Variants in TLL1 observed in about 807,000 individuals in gnomAD.
TLL1 encodes the protein tolloid-like protein 1.
A neutral mutation model predicts 128.2 loss-of-function variants in TLL1; 49 were observed. That is an observed-to-expected ratio of 0.38 (90% CI 0.30 to 0.48). The LOEUF (loss-of-function observed/expected upper bound fraction) is 0.48, where lower values mean the gene tolerates loss of function less well. TLL1 is among the 20% of genes least tolerant of loss of function. TLL1 has a pLI of 0.96. For synonymous variants in TLL1, 454 were observed against 418.8 expected (o/e 1.08, Z -1.03); for missense variants, 1,123 against 1,242.0 (o/e 0.90, Z 1.44).
intron 19 of TLL1, among the ~76,000 whole-genome samples, chr4:166,096,727 T>C (rs763297072): frequency 4.4e-4 from 67 of 152,196 alleles, no homozygotes; most frequent in Admixed American, 7.2e-4. Context: ...GCAAAATATA[T>C]CAGTCAATTC....
chr4:166,027,060 A>G (rs1230098329), intron 9 of TLL1, among the ~76,000 whole-genome samples: 1 of 152,218 alleles, frequency 6.6e-6, no homozygotes, highest in Admixed American at 6.5e-5. Flanking sequence ...ATGCAGCCGT[A>G]AAAAAGAATG....
intron 1 of TLL1, among the ~76,000 whole-genome samples, chr4:165,936,366 T>C (rs1426113274): frequency 6.6e-6 from 1 of 151,272 alleles, no homozygotes; most frequent in Admixed American, 6.6e-5. Flanking sequence ...ATTACAGGCA[T>C]GCGCCACCAT....
chr4:166,051,954 CTT>C (rs978575142), intron 12 of TLL1, among the ~76,000 whole-genome samples: 3 of 152,126 alleles, frequency 2.0e-5, no homozygotes, highest in South Asian at 2.1e-4. Context: ...AATATTTACT[CTT>C]TGTGTATCAT....
At chr4:166,069,946 G>A (rs540914990) in intron 16 of TLL1, among the ~76,000 whole-genome samples, 1 of 151,666 alleles carries the variant, frequency 6.6e-6, no homozygotes, top group Non-Finnish European at 1.5e-5. Context: ...TAATATTAAA[G>A]CAAATAAAGA....
At chr4:166,023,770 G>C (rs1203872979) in intron 8 of TLL1, among the ~76,000 whole-genome samples, 1 of 152,018 alleles carries the variant, frequency 6.6e-6, no homozygotes, top group Admixed American at 6.6e-5. Flanking sequence ...AATCAGAACA[G>C]TGTTGTATGC....
At chr4:165,965,213 C>T (rs762309242) in intron 1 of TLL1, among the ~76,000 whole-genome samples, 12 of 151,970 alleles carry the variant, frequency 7.9e-5, no homozygotes, top group South Asian at 4.1e-4. Context: ...TCTGAAAAGA[C>T]ATAATATGTT....
chr4:165,936,606 A>T (rs113117578), intron 1 of TLL1, among the ~76,000 whole-genome samples: 30 of 152,322 alleles, frequency 2.0e-4, no homozygotes, highest in Non-Finnish European at 3.7e-4. Context: ...CTGTATACAC[A>T]GTCTACTGGT....
At chr4:166,061,227 T>C (rs972261649) in intron 15 of TLL1, among the ~76,000 whole-genome samples, 2 of 150,202 alleles carry the variant, frequency 1.3e-5, no homozygotes, top group Admixed American at 6.6e-5. Context: ...CTGCCTACTT[T>C]TCCTCCTTTC....
chr4:165,971,663 G>T (rs1365272611), intron 1 of TLL1, among the ~76,000 whole-genome samples: 1 of 152,200 alleles, frequency 6.6e-6, no homozygotes, highest in African/African-American at 2.4e-5. Context: ...GTGCGTCACT[G>T]GGAGAGCTTG....
intron 1 of TLL1, among the ~76,000 whole-genome samples, chr4:165,895,844 G>T (rs1203937121): frequency 6.6e-6 from 1 of 152,018 alleles, no homozygotes; most frequent in African/African-American, 2.4e-5. Flanking sequence ...TAAATAGAAT[G>T]AAATAGAGAA....
chr4:165,966,281 GAAAGCTGACAAGACTGGAGCA>G (rs1405870486), intron 1 of TLL1, among the ~76,000 whole-genome samples: 1 of 151,912 alleles, frequency 6.6e-6, no homozygotes, highest in East Asian at 1.9e-4. Context: ...TAGACGATTG[GAAAGCTGACAAGACTGGAGCA>G]AAGGATCAAA....
chr4:166,079,910 G>T (rs970696408), intron 18 of TLL1, among the ~76,000 whole-genome samples: 1 of 151,854 alleles, frequency 6.6e-6, no homozygotes, highest in African/African-American at 2.4e-5. Context: ...TATTTCTTTG[G>T]CTGTCTCGAA....
At chr4:165,956,827 A>G (rs764463124) in intron 1 of TLL1, among the ~76,000 whole-genome samples, 22 of 152,062 alleles carry the variant, frequency 1.4e-4, no homozygotes, top group Non-Finnish European at 3.2e-4. Context: ...TTCACAATTT[A>G]TGTTCCTCTG....
chr4:166,006,724 G>A (rs890644774), intron 6 of TLL1, among the ~76,000 whole-genome samples: 1 of 151,600 alleles, frequency 6.6e-6, no homozygotes, highest in Non-Finnish European at 1.5e-5. Flanking sequence ...TTCATTATAA[G>A]GTCTGGTTAG....
intron 16 of TLL1, among the ~76,000 whole-genome samples, chr4:166,074,306 A>G (rs1740922979): frequency 6.6e-6 from 1 of 150,982 alleles, no homozygotes; most frequent in Non-Finnish European, 1.5e-5. Context: ...TTGGAGTGCT[A>G]TGAAATGTCC....
chr4:166,043,129 T>G (rs1325435127), intron 11 of TLL1, 145 bp from the exon 12 acceptor site: 43 of 1,020,574 alleles, frequency 4.2e-5, no homozygotes, highest in Non-Finnish European at 5.0e-5. Context: ...ATTTGCTACA[T>G]TACAACCAGT....
Position 166,036,108 on chromosome 4 carries a change from T to C in TLL1, c.1159-3231T>C, listed in dbSNP as rs139418465. 3.7e-4 allele frequency among the ~76,000 whole-genome samples: 56 copies of C among 152,306 alleles called. No individual in the cohort carries two copies. In the East Asian group the frequency reaches 0.01, roughly 28 times the overall value. ...CAAGTATTACGCTAATTGGCTTTTT[T>C]TGTGGTGCTCATGGAATTTGTTTAG... is the stretch of plus-strand genomic sequence containing the variant. On this transcript the variant is annotated intron_variant, in intron 9 of 20. Coordinates refer to ENST00000061240, the MANE Select transcript of TLL1 (RefSeq NM_012464.5).
At chr4:165,970,049 A>G (rs1482138832) in intron 1 of TLL1, among the ~76,000 whole-genome samples, 1 of 152,180 alleles carries the variant, frequency 6.6e-6, no homozygotes, top group African/African-American at 2.4e-5. Flanking sequence ...AGGATGCTAA[A>G]TAAGTCTCAT....
chr4:166,060,442 T>G (rs1740255943), intron 15 of TLL1, among the ~76,000 whole-genome samples: 2 of 152,128 alleles, frequency 1.3e-5, no homozygotes, highest in Non-Finnish European at 2.9e-5. Flanking sequence ...TTTTCTTGAT[T>G]TGTTAAATAA....
Sources: allele counts gnomAD v4.1 joint callset (sites outside exome capture counted in the v4.1 genomes callset), GRCh38; gene constraint gnomAD v4.1.1; transcripts MANE v1.5; gene names NCBI Gene and HGNC (gene_info 2026-07-23, HGNC 2026-07-21).